CDH26: variants seen among roughly 807,000 people sequenced by gnomAD.
CDH26 encodes cadherin-like protein 26.
In CDH26, 83 loss-of-function variants were observed where a neutral mutation model predicts 90.3. That is an observed-to-expected ratio of 0.92 (90% CI 0.77 to 1.10). The LOEUF is 1.10. Ranked by LOEUF, CDH26 falls within the 50% of genes least tolerant of loss-of-function variation. The pLI is 0.00. For missense variants in CDH26, 1,013 were observed against 1,037.6 expected (o/e 0.98, Z 0.33); for synonymous variants, 397 against 396.3 (o/e 1.00, Z -0.02).
intron 7 of CDH26, among the ~76,000 whole-genome samples, chr20:60,023,566 TAA>T (rs554004527): frequency 1.2e-4 from 17 of 143,474 alleles, no homozygotes; most frequent in African/African-American, 3.8e-4. Flanking sequence ...TTTATAATGT[TAA>T]AAAAAAAAAA....
intron 17 of CDH26, among the ~76,000 whole-genome samples, chr20:60,010,387 T>G (rs572164189): frequency 5.9e-5 from 9 of 152,262 alleles, no homozygotes; most frequent in Non-Finnish European, 8.8e-5. Flanking sequence ...CAGTGACGGA[T>G]TAGACAGGCT....
At chr20:59,979,941 A>G (rs2061376229) in intron 4 of CDH26, among the ~76,000 whole-genome samples, 1 of 151,998 alleles carries the variant, frequency 6.6e-6, no homozygotes, top group Admixed American at 6.6e-5. Flanking sequence ...TATGGCTTTT[A>G]TGTGAAAGTC....
intron 7 of CDH26, among the ~76,000 whole-genome samples, chr20:60,029,178 G>C (rs903298212): frequency 6.6e-6 from 1 of 152,192 alleles, no homozygotes; most frequent in South Asian, 2.1e-4. Context: ...GAGATGGGGT[G>C]GGGGAGATGG....
At chr20:60,001,496 G>T (rs2061676802) in intron 15 of CDH26, 85 bp downstream of exon 15, 1 of 1,542,774 alleles carries the variant, frequency 6.5e-7, no homozygotes. Flanking sequence ...CGTTGTAGAA[G>T]ATTCGGTGAT....
Position 59,992,709 on chromosome 20 carries a change from C to T in CDH26, c.1426+189C>T, listed in dbSNP as rs751365369. Reference sequence around the variant, plus strand: ...ATGGTAAACAAGGGACCAATACCATCGAAAGAGGGCAGTATTCATTCAGAA... The same window carrying T: ...ATGGTAAACAAGGGACCAATACCATTGAAAGAGGGCAGTATTCATTCAGAA... On this transcript the variant is annotated intron_variant, in intron 10 of 17. Coordinates refer to ENST00000348616, the MANE Select transcript of CDH26 (RefSeq NM_177980.4). The surrounding 1 kb of genome is among the most constrained non-coding windows in gnomAD (Gnocchi z 5.0). Among the ~76,000 whole-genome samples, 8 of 152,154 alleles carry T rather than the reference C, an allele frequency of 5.3e-5. No homozygotes were observed. Among genetic ancestry groups the T allele is most frequent in the Non-Finnish European group, 1.2e-4 (8 of 68,028 alleles).
intron 8 of CDH26, 28 bp downstream of exon 8, chr20:59,987,666 CAGTT>C: frequency 1.3e-6 from 2 of 1,564,360 alleles, no homozygotes; most frequent in South Asian, 2.4e-5. Context: ...ACATACCAAC[CAGTT>C]AGTGGCAGAC....
In CDH26 at chr20:59,989,385, G is replaced by A. The variant is rs368174465; in HGVS notation, c.1283+222G>A. ...CTACTAAAAATACAAAAAATTAGCCGGGCGCGGTGGCGGGCGCCTGTAGTC... is the reference window on the plus strand; with the variant it reads ...CTACTAAAAATACAAAAAATTAGCCAGGCGCGGTGGCGGGCGCCTGTAGTC... On this transcript the variant is annotated intron_variant, in intron 9 of 17. Transcript: ENST00000348616. Among the ~76,000 whole-genome samples, 146 of 151,540 alleles carry A rather than the reference G, an allele frequency of 9.6e-4. 1 individual carries two copies. In the East Asian group the frequency reaches 0.027, roughly 28 times the overall value.
At chr20:59,981,088 G>A (rs79163372) in intron 4 of CDH26, among the ~76,000 whole-genome samples, 11,632 of 152,084 alleles carry the variant, frequency 0.076, 701 homozygotes, top group Admixed American at 0.1. Context: ...TTTCAGTGAT[G>A]TATATATTTA....
Position 59,958,776 on chromosome 20 carries a change from T to C in CDH26, c.50T>C (p.Leu17Pro). ...CCCTCGCTGCTGCTGCTTCTAGTGCTGCTGCTGTGGCTGCTGCAGGTAAGC... is the reference window on the plus strand; with the variant it reads ...CCCTCGCTGCTGCTGCTTCTAGTGCCGCTGCTGTGGCTGCTGCAGGTAAGC... ...RHPSLLLLLV[L>P]LLWLLQVSII... The change falls in exon 1 of 18, where the codon CTG (leucine) becomes CCG (proline). Residue 17 changes from leucine to proline, a missense_variant. Leu to Pro is a moderately conservative substitution (Grantham distance 98, BLOSUM62 -3). Transcript: ENST00000348616. 6.2e-7 allele frequency: 1 copy of C among 1,613,964 alleles called. No individual in the cohort carries two copies. Among genetic ancestry groups the C allele is most frequent in the Non-Finnish European group, 8.5e-7 (1 of 1,179,882 alleles).
intron 16 of CDH26, among the ~76,000 whole-genome samples, chr20:60,004,781 A>G (rs980213310): frequency 2.4e-4 from 36 of 151,176 alleles, no homozygotes; most frequent in African/African-American, 3.4e-4. Context: ...AAAAAAAAAA[A>G]AAAAGAAAAG....
chr20:60,005,014 C>T (rs2061728026), intron 16 of CDH26, among the ~76,000 whole-genome samples: 1 of 151,584 alleles, frequency 6.6e-6, no homozygotes, highest in South Asian at 2.1e-4. Flanking sequence ...CCTCTGCCAC[C>T]CCCGAGACAG....
At chr20:59,990,246 C>T (rs975649015) in intron 9 of CDH26, among the ~76,000 whole-genome samples, 2 of 152,134 alleles carry the variant, frequency 1.3e-5, no homozygotes, top group African/African-American at 2.4e-5. Flanking sequence ...TTTTGTTTAC[C>T]CACTCATCCA....
rs765405149 is a variant in CDH26, at chr20:59,992,520, GGTGA to G, written c.1426+4_1426+7del. The G allele has an allele frequency of 3.9e-5, 63 of 1,613,472 alleles. No homozygotes were observed. In the East Asian group the frequency reaches 7.6e-4, roughly 19 times the overall value. ...AATCATCATTCACGCTGTTGATGAT[GGTGA>G]GTGTTTACCCAAAATTGGAAAAATA... On this transcript the variant is annotated splice_donor_variant and splice_donor_region_variant and intron_variant, in intron 10 of 17. Transcript: ENST00000348616. LOFTEE classifies it high-confidence loss of function. This position sits in a 1 kb window ranked among gnomAD's most constrained non-coding sequence, Gnocchi z 5.0.
downstream of CDH26, among the ~76,000 whole-genome samples, chr20:60,016,269 AT>A (rs2061905130): frequency 6.6e-6 from 1 of 152,106 alleles, no homozygotes; most frequent in South Asian, 2.1e-4. Flanking sequence ...ATGTCTTTAC[AT>A]TTGTTTATAT....
chr20:59,963,513 C>T (rs1214349015), intron 1 of CDH26, among the ~76,000 whole-genome samples: 1 of 152,084 alleles, frequency 6.6e-6, no homozygotes, highest in African/African-American at 2.4e-5. Context: ...ACATGCTTAA[C>T]CAATACTTTA....
chr20:59,999,470 C>T (rs1004766838), intron 13 of CDH26, 116 bp from the exon 14 acceptor site: 7 of 790,666 alleles, frequency 8.9e-6, no homozygotes, highest in Non-Finnish European at 1.2e-5. Context: ...TGGACTTCTT[C>T]TGTGATGGCA....
At chr20:60,027,406 A>G (rs2062006286) in intron 7 of CDH26, among the ~76,000 whole-genome samples, 1 of 152,136 alleles carries the variant, frequency 6.6e-6, no homozygotes. Flanking sequence ...ACATCAATGC[A>G]TCTTTCCATC....
chr20:59,975,271 G>C (rs997057547), intron 4 of CDH26, among the ~76,000 whole-genome samples: 1 of 152,168 alleles, frequency 6.6e-6, no homozygotes, highest in Non-Finnish European at 1.5e-5. Flanking sequence ...TAGAAGAAGA[G>C]AGAATCTTTG....
At chr20:59,982,120 A>G (rs1964973734) in intron 4 of CDH26, among the ~76,000 whole-genome samples, 1 of 151,982 alleles carries the variant, frequency 6.6e-6, no homozygotes, top group Admixed American at 6.6e-5. Flanking sequence ...CCTTTCTTTC[A>G]TTCTCGTTAT....
Sources: gnomAD v4.1 joint callset for allele counts (sites outside exome capture counted in the v4.1 genomes callset) on GRCh38, gnomAD v4.1.1 for gene constraint, Gnocchi (gnomAD v3.1) non-coding constraint, MANE v1.5 for transcripts, NCBI Gene and HGNC (gene_info 2026-07-23, HGNC 2026-07-21) for gene names.